Variants in QRSL1 observed in about 807,000 individuals in gnomAD.
QRSL1 encodes the protein glutamyl-tRNA(Gln) amidotransferase subunit A, mitochondrial.
In QRSL1, 54 loss-of-function variants were observed where a neutral mutation model predicts 61.6. That is an observed-to-expected ratio of 0.88 (90% CI 0.70 to 1.10). QRSL1 has a LOEUF of 1.10. Ranked by LOEUF, QRSL1 falls within the 50% of genes least tolerant of loss-of-function variation. The pLI, the probability that QRSL1 is intolerant of heterozygous loss-of-function variation, is 0.00. For missense variants in QRSL1, 505 were observed against 622.6 expected (o/e 0.81, Z 2.01); for synonymous variants, 228 against 225.7 (o/e 1.01, Z -0.09).
At chr6:106,648,991 T>G in intron 4 of QRSL1, 34 bp from the exon 5 acceptor site, 2 of 1,565,292 alleles carry the variant, frequency 1.3e-6, no homozygotes, top group Non-Finnish European at 1.7e-6. Context: ...AAATGAAAGT[T>G]TTACTAAGGT....
At chr6:106,642,162 T>A (rs547091450) in intron 3 of QRSL1, among the ~76,000 whole-genome samples, 2 of 152,308 alleles carry the variant, frequency 1.3e-5, no homozygotes, top group African/African-American at 2.4e-5. Context: ...GTTCAAGTGA[T>A]TCTCCTGTCT....
At chr6:106,638,348 G>A (rs559886187) in intron 1 of QRSL1, among the ~76,000 whole-genome samples, 4 of 151,420 alleles carry the variant, frequency 2.6e-5, no homozygotes, top group South Asian at 4.2e-4. Flanking sequence ...TTTGTTGCCC[G>A]GGTTGGAGTG....
intron 9 of QRSL1, 96 bp downstream of exon 9, chr6:106,655,828 CA>C (rs1777261130): frequency 3.8e-6 from 3 of 779,240 alleles, no homozygotes; most frequent in African/African-American, 1.8e-5. Flanking sequence ...AGTAAAGAAA[CA>C]AAATCTTTAT....
intron 4 of QRSL1, among the ~76,000 whole-genome samples, chr6:106,644,449 C>A (rs1479579611): frequency 6.6e-6 from 1 of 152,164 alleles, no homozygotes; most frequent in African/African-American, 2.4e-5. Context: ...CACATCACCT[C>A]ACCTGGCTGA....
At chr6:106,639,127 T>G (rs1200722376) in intron 1 of QRSL1, among the ~76,000 whole-genome samples, 10 of 137,802 alleles carry the variant, frequency 7.3e-5, no homozygotes, top group East Asian at 2.3e-4. Context: ...TTGTTTTTTT[T>G]TTTTTTTTTT....
At chr6:106,655,855 A>G (rs1777261400) in intron 9 of QRSL1, 123 bp downstream of exon 9, 2 of 646,548 alleles carry the variant, frequency 3.1e-6, no homozygotes, top group Non-Finnish European at 5.4e-6. Flanking sequence ...GAATTAGAAA[A>G]GACCTGTTTA....
chr6:106,640,268 C>T, intron 1 of QRSL1, 81 bp from the exon 2 acceptor site: 3 of 1,289,998 alleles, frequency 2.3e-6, no homozygotes, highest in Non-Finnish European at 3.3e-6. Context: ...TTAGCCACTC[C>T]ATCTCCCCCC....
intron 9 of QRSL1, among the ~76,000 whole-genome samples, chr6:106,656,602 C>T (rs1415972923): frequency 1.3e-5 from 2 of 152,214 alleles, no homozygotes; most frequent in African/African-American, 2.4e-5. Flanking sequence ...TCTCCATGCC[C>T]TCAAGGGCAG....
At chr6:106,661,204 G>A (rs1012068339) in intron 9 of QRSL1, among the ~76,000 whole-genome samples, 1 of 151,998 alleles carries the variant, frequency 6.6e-6, no homozygotes, top group African/African-American at 2.4e-5. Flanking sequence ...TCCACCTCCT[G>A]GGTTCAAGAG....
intron 1 of QRSL1, among the ~76,000 whole-genome samples, chr6:106,639,119 G>GTTTTTTTTTTTTTTTTT (rs1177849683): frequency 5.7e-5 from 7 of 122,812 alleles, no homozygotes; most frequent in East Asian, 2.7e-4. Flanking sequence ...GTGTTTTGTT[G>GTTTTTTTTTTTTTTTTT]TTTTTTTTTT....
intron 1 of QRSL1, among the ~76,000 whole-genome samples, chr6:106,630,209 G>C (rs1369698542): frequency 6.6e-6 from 1 of 152,154 alleles, no homozygotes; most frequent in Non-Finnish European, 1.5e-5. Flanking sequence ...CCTGGACGTC[G>C]TGTTTGAATT....
Position 106,655,724 on chromosome 6 carries a change from A to G in QRSL1, c.1152A>G (p.Leu384=). Residue 384 remains leucine (L), a synonymous_variant, in exon 9 of 11, where the codon TTA becomes TTG. Coordinates refer to ENST00000369046, the MANE Select transcript of QRSL1 (RefSeq NM_018292.5). The part of the protein sequence containing the change: ...RGRILSGNFF[L]LKENYENYFV... ...GAATTCTCTCAGGAAACTTTTTCTT[A>G]TTAAAAGAGTAAGACAACTCATTTA... is the stretch of plus-strand genomic sequence containing the variant. The G allele has an allele frequency of 6.3e-7, 1 of 1,596,422 alleles. No homozygotes were observed. Among genetic ancestry groups the G allele is most frequent in the Non-Finnish European group, 8.6e-7 (1 of 1,164,470 alleles).
chr6:106,634,722 C>T (rs1337665571), intron 1 of QRSL1, among the ~76,000 whole-genome samples: 1 of 151,750 alleles, frequency 6.6e-6, no homozygotes, highest in Non-Finnish European at 1.5e-5. Flanking sequence ...GGCGAGATCA[C>T]ATCCGTGCAC....
rs182385464 is a variant in QRSL1 at position 106,635,168 on chromosome 6, A to G, written c.25-5181A>G. On this transcript the variant is annotated intron_variant, in intron 1 of 10. Transcript: ENST00000369046. The stretch of plus-strand genomic sequence containing the variant: ...AATTAAAGCTATAGGGCCAGATGAG[A>G]TTACCTGGGAAGTTGAGTGTAAAAA... Among the ~76,000 whole-genome samples the G allele has an allele frequency of 1.7e-4, 26 of 152,232 alleles. No homozygotes were observed. The East Asian group carries it at 2.1e-3, about 12-fold the overall frequency.
chr6:106,637,446 G>A (rs1157171013), intron 1 of QRSL1, among the ~76,000 whole-genome samples: 7 of 152,176 alleles, frequency 4.6e-5, no homozygotes, highest in African/African-American at 9.7e-5. Flanking sequence ...GTGCTAGCCA[G>A]CAAAATTGTC....
intron 3 of QRSL1, chr6:106,642,749 C>T (rs2114704363): frequency 4.1e-6 from 3 of 735,122 alleles, no homozygotes; most frequent in East Asian, 2.5e-5. Flanking sequence ...CTGTAAGAGC[C>T]GAGATAGCTT....
chr6:106,661,583 T>C (rs569884182), intron 9 of QRSL1, among the ~76,000 whole-genome samples: 13 of 151,412 alleles, frequency 8.6e-5, no homozygotes, highest in Non-Finnish European at 1.8e-4. Flanking sequence ...GAGTAAAACA[T>C]ATTTCACGTT....
At chr6:106,660,525 T>C (rs1340447076) in intron 9 of QRSL1, among the ~76,000 whole-genome samples, 1 of 152,196 alleles carries the variant, frequency 6.6e-6, no homozygotes, top group Non-Finnish European at 1.5e-5. Context: ...TGAATGTCTG[T>C]TGCCTAATGC....
At chr6:106,642,532 G>C (rs964021294) in intron 3 of QRSL1, 1 of 705,558 alleles carries the variant, frequency 1.4e-6, no homozygotes, top group Non-Finnish European at 2.6e-6. Context: ...ACAGGGAGTT[G>C]TTTGCCATGT....
Sources: allele counts gnomAD v4.1 joint callset (sites outside exome capture counted in the v4.1 genomes callset), GRCh38; gene constraint gnomAD v4.1.1; transcripts MANE v1.5; gene names NCBI Gene and HGNC (gene_info 2026-07-23, HGNC 2026-07-21).